ALK: variants seen among roughly 807,000 people sequenced by gnomAD.
ALK encodes ALK tyrosine kinase receptor.
A neutral mutation model predicts 163.1 loss-of-function variants in ALK; 74 were observed. That is an observed-to-expected ratio of 0.45 (90% CI 0.38 to 0.55). The LOEUF is 0.55. ALK is among the 20% of genes least tolerant of loss of function. The pLI, the probability that ALK is intolerant of heterozygous loss-of-function variation, is 0.00. For synonymous variants in ALK, 960 were observed against 843.2 expected, an observed-to-expected ratio of 1.14 and a Z score of -2.40; for missense variants, 2,063 against 2,105.3, an observed-to-expected ratio of 0.98 and a Z score of 0.39.
chr2:29,642,809 C>G (rs958727957), intron 3 of ALK, among the ~76,000 whole-genome samples: 13 of 152,110 alleles, frequency 8.5e-5, no homozygotes, highest in Admixed American at 3.3e-4. Context: ...AATCTCTTTC[C>G]ATATTTACTT....
chr2:29,761,629 G>A (rs982635888), intron 1 of ALK, among the ~76,000 whole-genome samples: 1 of 152,220 alleles, frequency 6.6e-6, no homozygotes, highest in Non-Finnish European at 1.5e-5. Flanking sequence ...CTCCTCTTCT[G>A]CTGTCTGCTG....
At chr2:29,294,009 T>C (rs1028169927) in intron 9 of ALK, among the ~76,000 whole-genome samples, 9 of 152,106 alleles carry the variant, frequency 5.9e-5, no homozygotes, top group African/African-American at 2.2e-4. Flanking sequence ...AGGTTCAGGG[T>C]TGGGGAGCTG....
Position 29,694,938 on chromosome 2 carries a change from C to A in ALK, c.864G>T (p.Trp288Cys), listed in dbSNP as rs1678509747. The A allele has an allele frequency of 1.9e-6, 3 of 1,614,144 alleles. No homozygotes were observed. Among genetic ancestry groups the A allele is most frequent in the Non-Finnish European group, 1.7e-6 (2 of 1,180,004 alleles). ...PPLHDLRNQS[W>C]SWRRIPSEEA... ...CCTCGGAGGGGATGCGGCGCCAGGA[C>A]CAGCTCTGGTTCCTGAGGTCATGCA... The change falls in exon 3 of 29, where the codon TGG (tryptophan) becomes TGT (cysteine). Residue 288 changes from tryptophan (W) to cysteine (C), a missense_variant. Trp to Cys is a radical substitution (Grantham distance 215, BLOSUM62 -2). Transcript: ENST00000389048.
chr2:29,860,403 A>AAC (rs1553372437), intron 1 of ALK, among the ~76,000 whole-genome samples: 1 of 151,914 alleles, frequency 6.6e-6, no homozygotes, highest in Non-Finnish European at 1.5e-5. Context: ...AAAAAAAAAA[A>AAC]AAAACAGAAA....
chr2:29,849,211 G>A (rs745856702), intron 1 of ALK, among the ~76,000 whole-genome samples: 4 of 152,198 alleles, frequency 2.6e-5, no homozygotes, highest in African/African-American at 7.2e-5. Context: ...ACCGCTCACT[G>A]TCTGCTGTCC....
chr2:29,511,531 T>G (rs923976881), intron 4 of ALK, among the ~76,000 whole-genome samples: 6 of 152,212 alleles, frequency 3.9e-5, no homozygotes, highest in Non-Finnish European at 1.5e-5. Flanking sequence ...AATTTCTTTA[T>G]CTATTCACCT....
intron 11 of ALK, among the ~76,000 whole-genome samples, chr2:29,270,894 AGGCT>A (rs1163891338): frequency 1.3e-5 from 2 of 152,096 alleles, no homozygotes; most frequent in Non-Finnish European, 2.9e-5. Flanking sequence ...CCCACCTTCA[AGGCT>A]GGGATGCAAT....
At chr2:29,413,331 T>C (rs949590060) in intron 4 of ALK, among the ~76,000 whole-genome samples, 4 of 152,108 alleles carry the variant, frequency 2.6e-5, no homozygotes, top group African/African-American at 9.7e-5. Context: ...AAGTATAGTA[T>C]AGTAAACACA....
intron 4 of ALK, among the ~76,000 whole-genome samples, chr2:29,516,102 T>C (rs1009475021): frequency 2.0e-5 from 3 of 152,202 alleles, no homozygotes; most frequent in Admixed American, 6.5e-5. Context: ...GGCAGCAGAA[T>C]GCATGCAGAC....
chr2:29,599,136 T>A (rs1385126132), intron 3 of ALK, among the ~76,000 whole-genome samples: 1 of 150,766 alleles, frequency 6.6e-6, no homozygotes, highest in African/African-American at 2.4e-5. Flanking sequence ...GGTTTTAAAA[T>A]GACTACAAAG....
chr2:29,350,481 C>T (rs1420181832), intron 5 of ALK, among the ~76,000 whole-genome samples: 1 of 152,056 alleles, frequency 6.6e-6, no homozygotes, highest in African/African-American at 2.4e-5. Context: ...CCTGAGTCAG[C>T]CTGCCCCACC....
Position 29,325,751 on chromosome 2 carries a change from G to T in ALK, c.1414+2599C>A, listed in dbSNP as rs557913870. Among the ~76,000 whole-genome samples, 9 of 152,346 alleles carry T rather than the reference G, an allele frequency of 5.9e-5. No homozygotes were observed. The East Asian group carries it at 1.7e-3, about 29-fold the overall frequency. ...AAACTCCGTGAGCTTCAGCTTCCTT[G>T]TCTCTAACAAAGATGGGTACAATAG... On this transcript the variant is annotated intron_variant, in intron 6 of 28. Coordinates refer to ENST00000389048, the MANE Select transcript of ALK (RefSeq NM_004304.5).
chr2:29,577,144 C>G (rs1311744978), intron 3 of ALK, among the ~76,000 whole-genome samples: 1 of 152,030 alleles, frequency 6.6e-6, no homozygotes, highest in Admixed American at 6.6e-5. Flanking sequence ...TGCATGGCAC[C>G]CGCCTCGGGA....
chr2:29,217,084 G>GT, intron 23 of ALK, among the ~76,000 whole-genome samples: 1 of 143,442 alleles, frequency 7.0e-6, no homozygotes, highest in Admixed American at 6.9e-5. Context: ...GTGTATGTAA[G>GT]TGGTATATGT....
At chr2:29,570,524 A>G (rs55946001) in intron 3 of ALK, among the ~76,000 whole-genome samples, 96,709 of 152,074 alleles carry the variant, frequency 0.64, 30,987 homozygotes, top group South Asian at 0.76. Context: ...GGGATTGTAA[A>G]GGTCAAACAG....
rs1204300287 is a variant in ALK at position 29,209,843 on chromosome 2, G to T, written c.3779C>A (p.Pro1260Gln). Residue 1260 changes from proline to glutamine, a missense_variant, in exon 25 of 29, where the codon CCA becomes CAA. Physicochemically the swap from Pro to Gln is moderately conservative, Grantham distance 76. Transcript: ENST00000389048. ...IAARNCLLTC[P>Q]GPGRVAKIGD... The stretch of plus-strand genomic sequence containing the variant: ...AATCTTGGCCACTCTTCCAGGGCCT[G>T]GACAGGTCAAGAGGCAGTTTCTGGC... 6.2e-7 allele frequency: 1 copy of T among 1,614,146 alleles called. No homozygotes were observed. Among genetic ancestry groups the T allele is most frequent in the South Asian group, 1.1e-5 (1 of 91,082 alleles).
intron 1 of ALK, among the ~76,000 whole-genome samples, chr2:29,751,060 A>C (rs1680351963): frequency 6.6e-6 from 1 of 152,134 alleles, no homozygotes; most frequent in Non-Finnish European, 1.5e-5. Flanking sequence ...ACAGAGCAAG[A>C]CTCCATCTCA....
At chr2:29,320,620 C>T (rs747878507) in intron 7 of ALK, 131 bp downstream of exon 7, 99 of 1,288,568 alleles carry the variant, frequency 7.7e-5, no homozygotes, top group Admixed American at 1.7e-4. Context: ...TGTGTGTGAA[C>T]GCTCTAGGCA....
intron 4 of ALK, among the ~76,000 whole-genome samples, chr2:29,530,421 C>G (rs547117842): frequency 2.0e-5 from 3 of 152,204 alleles, no homozygotes; most frequent in Non-Finnish European, 4.4e-5. Flanking sequence ...ACTCCAACTC[C>G]ACCTCTCCCA....
Sources: gnomAD v4.1 joint callset for allele counts (sites outside exome capture counted in the v4.1 genomes callset) on GRCh38, gnomAD v4.1.1 for gene constraint, MANE v1.5 for transcripts, NCBI Gene and HGNC (gene_info 2026-07-23, HGNC 2026-07-21) for gene names.